Variants in PRRT4 observed in about 807,000 individuals in gnomAD.
PRRT4 encodes proline-rich transmembrane protein 4.
PRRT4 carries 59 observed loss-of-function variants against 55.6 expected under a neutral mutation model. The ratio of observed to expected loss-of-function variants is 1.06; its 90% CI spans 0.86 to 1.32. The LOEUF is 1.32. Ranked by LOEUF, PRRT4 falls within the 40% of genes most tolerant of loss-of-function variation. The pLI is 0.00. For missense variants in PRRT4, 1,217 were observed against 1,222.0 expected (o/e 1.00, Z 0.06); for synonymous variants, 606 against 601.8 (o/e 1.01, Z -0.10).
chr7:128,351,692 G>T, exon 5 of PRRT4: 1 of 1,507,138 alleles, frequency 6.6e-7, no homozygotes, highest in African/African-American at 1.4e-5. Context: ...CAGAGCGCCG[G>T]GTAGAGGCCC....
exon 5 of PRRT4, chr7:128,351,158 T>G: frequency 6.5e-7 from 1 of 1,546,054 alleles, no homozygotes; most frequent in Non-Finnish European, 8.7e-7. Context: ...GATGAGACGC[T>G]GCTGCCTGCG....
chr7:128,359,485 G>A, exon 2 of PRRT4: 2 of 1,464,050 alleles, frequency 1.4e-6, no homozygotes, highest in Non-Finnish European at 1.8e-6. Context: ...GGTGGGGCCT[G>A]GGAGCACTGG....
chr7:128,357,224 A>ACACACACT (rs1797130056), intron 4 of PRRT4, among the ~76,000 whole-genome samples: 2 of 120,896 alleles, frequency 1.7e-5, no homozygotes, highest in African/African-American at 6.7e-5. Context: ...ACACACACAC[A>ACACACACT]CACACACACA....
chr7:128,350,787 G>C, downstream of PRRT4: 1 of 1,525,740 alleles, frequency 6.6e-7, no homozygotes, highest in Admixed American at 2.0e-5. Context: ...AAGGATTACA[G>C]TGTGCAGGTC....
chr7:128,357,114 G>A (rs1797126250), intron 4 of PRRT4, among the ~76,000 whole-genome samples: 1 of 152,140 alleles, frequency 6.6e-6, no homozygotes, highest in Non-Finnish European at 1.5e-5. Context: ...AAGGCAAGGA[G>A]GGCCTAGGAG....
At chr7:128,351,320 G>A (rs1796959437) in exon 5 of PRRT4, 1 of 1,545,778 alleles carries the variant, frequency 6.5e-7, no homozygotes, top group Non-Finnish European at 8.7e-7. Flanking sequence ...CCCTGGAAGA[G>A]GCCAGGCGCA....
chr7:128,359,054 G>A lies in PRRT4; in HGVS notation c.757+95C>T. ...CTAGGGCCTGGAAGAAGCAATGCAA[G>A]AAAGTAAAAAAAGAAAGGTACTTGT... On this transcript the variant is annotated intron_variant, in intron 3 of 4. Coordinates refer to ENST00000535159, the Ensembl canonical transcript of PRRT4. 4 of 1,359,736 alleles carry A rather than the reference G, an allele frequency of 2.9e-6. No individual in the cohort carries two copies. The South Asian group carries it at 5.0e-5, about 17-fold the overall frequency. The allele number at this position is 1,359,736 out of a possible 1,614,324, so 84.2% of individuals were successfully genotyped here.
chr7:128,354,640 CAAA>C (rs1797076168), intron 4 of PRRT4, among the ~76,000 whole-genome samples: 1 of 150,802 alleles, frequency 6.6e-6, no homozygotes, highest in East Asian at 1.9e-4. Context: ...AAAAGATAAA[CAAA>C]AAACATAAGA....
At chr7:128,360,644 A>G (rs957638365) in intron 1 of PRRT4, among the ~76,000 whole-genome samples, 3 of 152,032 alleles carry the variant, frequency 2.0e-5, no homozygotes, top group East Asian at 1.9e-4. Flanking sequence ...AAGGTTCCCA[A>G]TCTGGCAGAA....
chr7:128,352,724 C>G, intron 4 of PRRT4, 46 bp from the exon 6 acceptor site: 1 of 1,457,860 alleles, frequency 6.9e-7, no homozygotes. Flanking sequence ...GCAGCCCTCC[C>G]CTTACCCACC....
intron 4 of PRRT4, among the ~76,000 whole-genome samples, chr7:128,353,488 G>T (rs918618995): frequency 6.6e-6 from 1 of 152,054 alleles, no homozygotes; most frequent in African/African-American, 2.4e-5. Context: ...CATCAGGGGA[G>T]AGGTAAGACA....
Position 128,359,653 on chromosome 7 carries a change from C to T in PRRT4, c.339G>A (p.Trp113Ter). The T allele has an allele frequency of 6.5e-7, 1 of 1,549,052 alleles. No individual in the cohort carries two copies. The highest frequency in any genetic ancestry group is 8.7e-7 in the Non-Finnish European group (1 of 1,145,568). Residue 113 changes from tryptophan to a stop codon, truncating the protein, a stop_gained, in exon 2 of 5, where the codon TGG becomes TGA. Coordinates refer to ENST00000535159, the Ensembl canonical transcript of PRRT4. LOFTEE classifies it high-confidence loss of function. ...GCTTTGAGCCACCTTCGGTGGAGCC[C>T]CACTCAGTGAGAGAGTTCCCTGAGG...
exon 5 of PRRT4, chr7:128,351,714 C>A: frequency 6.7e-7 from 1 of 1,486,252 alleles, no homozygotes; most frequent in South Asian, 1.3e-5. Context: ...GCAGCGCCAA[C>A]GGGAGCGCGA....
intron 4 of PRRT4, among the ~76,000 whole-genome samples, chr7:128,357,409 C>T (rs1021900058): frequency 4.6e-5 from 7 of 152,112 alleles, no homozygotes; most frequent in East Asian, 1.9e-4. Flanking sequence ...CCAGCCTGCC[C>T]GGCTGCACTG....
At chr7:128,357,926 G>T (rs964078808) in intron 4 of PRRT4, among the ~76,000 whole-genome samples, 7 of 152,194 alleles carry the variant, frequency 4.6e-5, no homozygotes, top group African/African-American at 1.7e-4. Context: ...GATTTGGGAT[G>T]CAGTGGGGGA....
chr7:128,351,327 C>T (rs1210518644), exon 5 of PRRT4: 3 of 1,545,872 alleles, frequency 1.9e-6, no homozygotes, highest in East Asian at 4.9e-5. Context: ...AGAGGCCAGG[C>T]GCAAGCAGGG....
intron 4 of PRRT4, among the ~76,000 whole-genome samples, chr7:128,354,568 AAAACACACAC>A (rs1449665826): frequency 5.8e-5 from 7 of 121,360 alleles, no homozygotes; most frequent in African/African-American, 1.5e-4. Context: ...TGGCTCAAAA[AAAACACACAC>A]ACACACACAC....
chr7:128,350,937 C>A (rs2116430717), exon 5 of PRRT4: 1 of 1,550,924 alleles, frequency 6.4e-7, no homozygotes. Flanking sequence ...GCAGCAAGGC[C>A]TCCTCGGCCT....
chr7:128,359,921 T>G, exon 2 of PRRT4: 2 of 1,448,552 alleles, frequency 1.4e-6, no homozygotes, highest in South Asian at 1.5e-5. Context: ...GGGGGTGGGC[T>G]GGGGGCCCAC....
Sources: allele counts gnomAD v4.1 joint callset (sites outside exome capture counted in the v4.1 genomes callset), GRCh38; gene constraint gnomAD v4.1.1; transcripts MANE v1.5; gene names NCBI Gene and HGNC (gene_info 2026-07-23, HGNC 2026-07-21).